The following NELL2 variants were observed in gnomAD, a reference collection of about 807,000 sequenced individuals.
The protein encoded by NELL2 is protein kinase C-binding protein NELL2.
Under a neutral mutation model 109.6 loss-of-function variants are expected in NELL2, and 41 were observed. The ratio of observed to expected loss-of-function variants is 0.37; its 90% CI spans 0.29 to 0.49. NELL2 has a LOEUF of 0.49. NELL2 is among the 20% of genes least tolerant of loss of function. The pLI is 0.98. For missense variants in NELL2, 900 were observed against 1,008.3 expected, an observed-to-expected ratio of 0.89 and a Z score of 1.45; for synonymous variants, 355 against 344.7, an observed-to-expected ratio of 1.03 and a Z score of -0.33.
chr12:44,843,562 C>T (rs1368791699), intron 2 of NELL2, among the ~76,000 whole-genome samples: 2 of 152,166 alleles, frequency 1.3e-5, no homozygotes, highest in African/African-American at 2.4e-5. Context: ...AAAATGAAAG[C>T]ATACGTTCAG....
chr12:44,741,448 C>G (rs141609806), intron 9 of NELL2, among the ~76,000 whole-genome samples: 1 of 152,084 alleles, frequency 6.6e-6, no homozygotes, highest in Non-Finnish European at 1.5e-5. Flanking sequence ...GAGTGCCAGA[C>G]AGTGGGTGCA....
At chr12:44,843,566 C>T (rs1454417908) in intron 2 of NELL2, among the ~76,000 whole-genome samples, 2 of 152,162 alleles carry the variant, frequency 1.3e-5, no homozygotes, top group African/African-American at 2.4e-5. Context: ...TGAAAGCATA[C>T]GTTCAGAAAA....
intron 9 of NELL2, among the ~76,000 whole-genome samples, chr12:44,752,181 T>C (rs2136528797): frequency 6.6e-6 from 1 of 152,322 alleles, no homozygotes; most frequent in Non-Finnish European, 1.5e-5. Context: ...TTGATTCAAA[T>C]TATAAAGTTA....
At chr12:44,602,560 CT>C (rs1264295858) in intron 15 of NELL2, among the ~76,000 whole-genome samples, 1 of 152,014 alleles carries the variant, frequency 6.6e-6, no homozygotes, top group East Asian at 1.9e-4. Context: ...TACAGTTTTT[CT>C]TTTTAATTTC....
chr12:44,580,703 ACT>A (rs886350969), intron 15 of NELL2, among the ~76,000 whole-genome samples: 11 of 152,042 alleles, frequency 7.2e-5, no homozygotes, highest in African/African-American at 2.4e-4. Flanking sequence ...ACAGAGAAAG[ACT>A]CTGTCTCAAA....
chr12:44,650,322 G>C (rs1162344079), intron 13 of NELL2, among the ~76,000 whole-genome samples: 1 of 145,908 alleles, frequency 6.9e-6, no homozygotes, highest in Non-Finnish European at 1.5e-5. Context: ...TTTTGATACA[G>C]CTTCTCAAAA....
chr12:44,789,848 T>C (rs1942314909), intron 3 of NELL2, among the ~76,000 whole-genome samples: 4 of 151,952 alleles, frequency 2.6e-5, no homozygotes, highest in African/African-American at 7.3e-5. Flanking sequence ...GTCTCAGCAA[T>C]AGAACTGAAC....
At chr12:44,749,236 G>A (rs1376074141) in intron 9 of NELL2, among the ~76,000 whole-genome samples, 1 of 152,110 alleles carries the variant, frequency 6.6e-6, no homozygotes, top group Non-Finnish European at 1.5e-5. Context: ...AGTCAGTACA[G>A]CAGGAACTAC....
intron 2 of NELL2, among the ~76,000 whole-genome samples, chr12:44,873,535 C>A (rs1945224489): frequency 6.6e-6 from 1 of 152,060 alleles, no homozygotes; most frequent in South Asian, 2.1e-4. Flanking sequence ...AGATCAGACA[C>A]TCTTCAGAGG....
At chr12:44,910,006 G>A (rs1171922509) in intron 1 of NELL2, among the ~76,000 whole-genome samples, 3 of 151,892 alleles carry the variant, frequency 2.0e-5, no homozygotes, top group African/African-American at 7.2e-5. Context: ...AGATTTAAAT[G>A]AAAGATTACA....
intron 1 of NELL2, among the ~76,000 whole-genome samples, chr12:44,886,795 C>T (rs1945478422): frequency 6.6e-6 from 1 of 151,970 alleles, no homozygotes; most frequent in Admixed American, 6.5e-5. Flanking sequence ...CATTAATCAA[C>T]TTCTCTTCAT....
At chr12:44,626,385 T>C (rs955548654) in intron 13 of NELL2, among the ~76,000 whole-genome samples, 2 of 152,208 alleles carry the variant, frequency 1.3e-5, no homozygotes, top group African/African-American at 4.8e-5. Flanking sequence ...CAGGTTTTTG[T>C]AGCTTACTCA....
intron 9 of NELL2, among the ~76,000 whole-genome samples, chr12:44,728,974 A>G (rs1054828708): frequency 4.5e-5 from 6 of 132,296 alleles, no homozygotes; most frequent in South Asian, 4.1e-4. Context: ...ACAGAAAATG[A>G]TAACAGAAGA....
intron 19 of NELL2, among the ~76,000 whole-genome samples, chr12:44,512,871 T>C (rs1384678054): frequency 6.6e-6 from 1 of 151,966 alleles, no homozygotes; most frequent in Non-Finnish European, 1.5e-5. Context: ...CACAGCTAGA[T>C]AGGAGGAATA....
At chr12:44,807,553 A>G (rs1210170020) in intron 3 of NELL2, among the ~76,000 whole-genome samples, 1 of 151,966 alleles carries the variant, frequency 6.6e-6, no homozygotes, top group African/African-American at 2.4e-5. Context: ...AGGGAAAATA[A>G]TAAAGTCACA....
chr12:44,898,252 G>A (rs546952680), intron 1 of NELL2, among the ~76,000 whole-genome samples: 2 of 152,270 alleles, frequency 1.3e-5, no homozygotes, highest in South Asian at 2.1e-4. Flanking sequence ...CAGCACTCGA[G>A]CTCTAGGGAC....
At chr12:44,776,981 G>T in intron 7 of NELL2, 61 bp downstream of exon 7, 1 of 1,373,850 alleles carries the variant, frequency 7.3e-7, no homozygotes, top group Non-Finnish European at 1.0e-6. Flanking sequence ...GTTATAAATG[G>T]AAGTATTGGG....
At chr12:44,541,775 A>C (rs1221951455) in intron 15 of NELL2, among the ~76,000 whole-genome samples, 5 of 152,182 alleles carry the variant, frequency 3.3e-5, no homozygotes, top group Non-Finnish European at 7.3e-5. Context: ...TGTGGCAGCT[A>C]TTGTTCTATG....
chr12:44,621,128 C>A (rs748723697), intron 13 of NELL2, among the ~76,000 whole-genome samples: 1 of 152,112 alleles, frequency 6.6e-6, no homozygotes. Context: ...AAGGCCATGT[C>A]TTTCACGTGT....
Sources: gnomAD v4.1 joint callset for allele counts (sites outside exome capture counted in the v4.1 genomes callset) on GRCh38, gnomAD v4.1.1 for gene constraint, MANE v1.5 for transcripts, NCBI Gene and HGNC (gene_info 2026-07-23, HGNC 2026-07-21) for gene names.